Variants in KDM3B observed in about 807,000 individuals in gnomAD.
The protein encoded by KDM3B is lysine demethylase 3B.
Under a neutral mutation model 170.0 loss-of-function variants are expected in KDM3B, and 10 were observed. The ratio of observed to expected loss-of-function variants is 0.06; its 90% CI spans 0.04 to 0.10. The LOEUF (loss-of-function observed/expected upper bound fraction) is 0.10. Among genes scored for constraint, KDM3B ranks in the 10% least tolerant of loss-of-function variants. The probability of loss-of-function intolerance (pLI) is 1.00; values close to 1 mark genes in which losing one functional copy is unlikely to be tolerated. For synonymous variants in KDM3B, 831 were observed against 834.8 expected (o/e 1.00, Z 0.08); for missense variants, 1,394 against 2,195.2 (o/e 0.64, Z 7.29).
chr5:138,367,070 C>T (rs1003355824), intron 1 of KDM3B, among the ~76,000 whole-genome samples: 1 of 152,120 alleles, frequency 6.6e-6, no homozygotes, highest in South Asian at 2.1e-4. Flanking sequence ...CCTTTAAGAC[C>T]CAGTTTGTAT....
intron 1 of KDM3B, among the ~76,000 whole-genome samples, chr5:138,355,006 T>A (rs1350317967): frequency 1.3e-5 from 2 of 152,226 alleles, no homozygotes; most frequent in Non-Finnish European, 1.5e-5. Context: ...TGGGCCGTTT[T>A]CTTTTTTTCT....
intron 16 of KDM3B, 75 bp from the exon 17 acceptor site, chr5:138,425,336 C>G: frequency 7.0e-7 from 1 of 1,430,230 alleles, no homozygotes. Flanking sequence ...TCAGGAAACC[C>G]TCCTATTCTG....
At chr5:138,403,828 A>AC (rs1762750143) in intron 11 of KDM3B, among the ~76,000 whole-genome samples, 1 of 134,494 alleles carries the variant, frequency 7.4e-6, no homozygotes, top group Non-Finnish European at 1.6e-5. Flanking sequence ...CCCCATCTCA[A>AC]CCAAAAAAAA....
intron 9 of KDM3B, among the ~76,000 whole-genome samples, chr5:138,396,538 T>G (rs1762551706): frequency 6.6e-6 from 1 of 152,102 alleles, no homozygotes; most frequent in Non-Finnish European, 1.5e-5. Flanking sequence ...TAGATGATGT[T>G]GAAAAGAGAG....
intron 17 of KDM3B, chr5:138,425,787 CTT>C: frequency 2.2e-6 from 1 of 453,094 alleles, no homozygotes; most frequent in Non-Finnish European, 3.9e-6. Flanking sequence ...GTGTGGATCA[CTT>C]GGGGTCAGGA....
Position 138,402,873 on chromosome 5 carries a change from A to G in KDM3B, c.3199+2861A>G, listed in dbSNP as rs117046212. Among the ~76,000 whole-genome samples the G allele has an allele frequency of 2.4e-4, 37 of 152,368 alleles. 1 individual carries two copies. In the East Asian group the frequency reaches 7.1e-3, roughly 29 times the overall value. ...ACCTTACTGACTAGAGACAGAGATG[A>G]CAGTCTGAGAAGAGTAAGGCAAAGT... On this transcript the variant is annotated intron_variant, in intron 11 of 23. Coordinates refer to ENST00000314358, the MANE Select transcript of KDM3B (RefSeq NM_016604.4).
intron 7 of KDM3B, among the ~76,000 whole-genome samples, chr5:138,390,328 A>G (rs983232220): frequency 6.6e-6 from 1 of 152,198 alleles, no homozygotes; most frequent in Non-Finnish European, 1.5e-5. Flanking sequence ...TTCTAATTAT[A>G]ACAAAGGTCT....
At chr5:138,434,823 C>A (rs921151958) in intron 23 of KDM3B, among the ~76,000 whole-genome samples, 1 of 152,176 alleles carries the variant, frequency 6.6e-6, no homozygotes, top group Non-Finnish European at 1.5e-5. Flanking sequence ...ATTCATAAAT[C>A]TTTGTTGAAG....
Position 138,400,141 on chromosome 5 carries a change from G to C in KDM3B, c.3199+129G>C. 1.1e-5 allele frequency: 10 copies of C among 876,376 alleles called. No homozygotes were observed. The South Asian group carries it at 2.1e-4, about 18-fold the overall frequency. The allele number at this position is 876,376 out of a possible 1,614,324, so 54.3% of individuals were successfully genotyped here. On this transcript the variant is annotated intron_variant, in intron 11 of 23. Coordinates refer to ENST00000314358, the MANE Select transcript of KDM3B (RefSeq NM_016604.4). Reference sequence around the variant, plus strand: ...TAGCTGCTTGGCTTCATTCAACTTTGTTGTATTTTAAGACCTTAAAATGGC... The same window carrying C: ...TAGCTGCTTGGCTTCATTCAACTTTCTTGTATTTTAAGACCTTAAAATGGC...
chr5:138,386,411 T>G lies in KDM3B; in HGVS notation c.1170T>G (p.Gly390=). The change falls in exon 7 of 24, where the codon GGT becomes GGG. Residue 390 remains glycine (G), a synonymous_variant. Transcript: ENST00000314358. The stretch of plus-strand genomic sequence containing the variant: ...TCACTCCATATTCTACAGCCACAGG[T>G]CAGACACCTTTGGCCCCAGAGGTGG... ...ASFTPYSTAT[G]QTPLAPEVGG... The G allele has an allele frequency of 1.9e-6, 3 of 1,614,074 alleles. No individual in the cohort carries two copies. Among genetic ancestry groups the G allele is most frequent in the Non-Finnish European group, 2.5e-6 (3 of 1,179,992 alleles).
At chr5:138,402,111 A>G (rs1239551879) in intron 11 of KDM3B, among the ~76,000 whole-genome samples, 1 of 151,732 alleles carries the variant, frequency 6.6e-6, no homozygotes, top group Non-Finnish European at 1.5e-5. Context: ...TTTGGTAGAG[A>G]TGGAGTCTCG....
At chr5:138,418,075 G>GTT (rs34275336) in intron 13 of KDM3B, 4,890 of 96,694 alleles carry the variant, frequency 0.051, 235 homozygotes, top group Non-Finnish European at 0.069. Flanking sequence ...TTTGGTTTTG[G>GTT]TTTTTTTTTT....
At position 138,358,389 on chromosome 5, in the gene KDM3B, C is replaced by T. The variant is rs2126904701; in HGVS notation, c.192+5402C>T. Among the ~76,000 whole-genome samples the T allele has an allele frequency of 2.0e-5, 3 of 147,612 alleles. No homozygotes were observed. The Middle Eastern group carries it at 0.011, about 543-fold the overall frequency. On this transcript the variant is annotated intron_variant, in intron 1 of 23. Transcript: ENST00000314358. Reference sequence around the variant, plus strand: ...GCGCGATCTCAGCTCACTGCAACCTCTCTCTCCCAGATTCAAGTGATTCTC... The same window carrying T: ...GCGCGATCTCAGCTCACTGCAACCTTTCTCTCCCAGATTCAAGTGATTCTC...
At chr5:138,402,343 T>C (rs1762713641) in intron 11 of KDM3B, among the ~76,000 whole-genome samples, 1 of 152,218 alleles carries the variant, frequency 6.6e-6, no homozygotes, top group African/African-American at 2.4e-5. Context: ...TCTTCCCTCT[T>C]CGGAGGTATA....
chr5:138,420,890 G>A lies in KDM3B; in HGVS notation c.3900G>A (p.Gly1300=), dbSNP rs966144296. ...GSSLRDLLHS[G]PGKLPQTPLD... ...GCCTTCGAGACCTCCTTCACTCCGG[G>A]CCGGGAAAACTTCCTCAAACCCCCT... Residue 1300 remains glycine, a synonymous_variant, in exon 15 of 24, where the codon GGG becomes GGA. Coordinates refer to ENST00000314358, the MANE Select transcript of KDM3B (RefSeq NM_016604.4). The A allele has an allele frequency of 6.2e-7, 1 of 1,614,038 alleles. No individual in the cohort carries two copies.
At chr5:138,419,330 CA>C in intron 14 of KDM3B, 98 bp downstream of exon 14, 1 of 1,360,644 alleles carries the variant, frequency 7.3e-7, no homozygotes, top group South Asian at 1.4e-5. Context: ...ATTTATGAAA[CA>C]TGCTACTTAC....
chr5:138,381,815 T>C (rs1762132676), intron 6 of KDM3B: 1 of 475,704 alleles, frequency 2.1e-6, no homozygotes, highest in African/African-American at 1.9e-5. Context: ...TGTTCCCTAG[T>C]TCTTCTAAAG....
At chr5:138,428,651 A>G (rs930917866) in intron 20 of KDM3B, among the ~76,000 whole-genome samples, 3 of 152,160 alleles carry the variant, frequency 2.0e-5, no homozygotes, top group Non-Finnish European at 4.4e-5. Context: ...CTTTGACTAG[A>G]GTCTCTTTCT....
intron 11 of KDM3B, among the ~76,000 whole-genome samples, chr5:138,406,189 T>C (rs1235244498): frequency 6.6e-6 from 1 of 150,910 alleles, no homozygotes; most frequent in African/African-American, 2.4e-5. Context: ...CTACAAAAAA[T>C]TTAAAAATTA....
Sources: gnomAD v4.1 joint callset for allele counts (sites outside exome capture counted in the v4.1 genomes callset) on GRCh38, gnomAD v4.1.1 for gene constraint, MANE v1.5 for transcripts, NCBI Gene and HGNC (gene_info 2026-07-23, HGNC 2026-07-21) for gene names.